The following ITPK1 variants were observed in gnomAD, a reference collection of about 807,000 sequenced individuals.
ITPK1 encodes the protein inositol-tetrakisphosphate 1-kinase, also known as inositol 1,3,4-trisphosphate 5/6-kinase.
Under a neutral mutation model 45.3 loss-of-function variants are expected in ITPK1, and 21 were observed. The observed-to-expected ratio is 0.46, with a 90% CI of 0.33 to 0.67. The LOEUF (loss-of-function observed/expected upper bound fraction) is 0.67, where lower values mean the gene tolerates loss of function less well. Among genes scored for constraint, ITPK1 ranks in the 30% least tolerant of loss-of-function variants. The pLI, the probability that ITPK1 is intolerant of heterozygous loss-of-function variation, is 0.02. For synonymous variants in ITPK1, 258 were observed against 253.6 expected (o/e 1.02, Z -0.16); for missense variants, 474 against 573.5 (o/e 0.83, Z 1.77).
Position 93,115,075 on chromosome 14 carries a change from A to T in ITPK1, c.89T>A (p.Leu30Gln), listed in dbSNP as rs146193091. The change falls in exon 2 of 11, where the codon CTG becomes CAG. Residue 30 changes from leucine (L) to glutamine (Q), a missense_variant. This residue lies in a region of ITPK1 where 367 missense variants were observed against 480.6 expected (regional missense o/e 0.76). Transcript: ENST00000267615. Reference protein sequence around the residue: ...KKLNFQAFAELCRKRGMEVVQ... With the variant: ...KKLNFQAFAEQCRKRGMEVVQ... ...GCGCCGCGTCCCTCCTTACCTGCAC[A>T]GCTCGGCGAAGGCCTGGAAATTCAG... 1.4e-4 allele frequency: 227 copies of T among 1,597,558 alleles called. 1 individual carries two copies. The African/African-American group carries it at 2.3e-3, about 16-fold the overall frequency.
intron 3 of ITPK1, among the ~76,000 whole-genome samples, chr14:93,031,697 C>G (rs557201063): frequency 6.6e-6 from 1 of 152,146 alleles, no homozygotes; most frequent in Non-Finnish European, 1.5e-5. Flanking sequence ...AGTGCCCATC[C>G]CCAAGTGGGA....
At chr14:93,010,953 C>A (rs1181069060) in intron 4 of ITPK1, among the ~76,000 whole-genome samples, 1 of 152,046 alleles carries the variant, frequency 6.6e-6, no homozygotes, top group Admixed American at 6.5e-5. Flanking sequence ...TCACAGTAAG[C>A]GTGGCTGACT....
chr14:93,086,093 A>C lies in ITPK1; in HGVS notation c.96-9474T>G, dbSNP rs138981370. ...ATGCAAAGTCATTTAGTATCAGCCT[A>C]ATGAGCAAGGTAGGCTACTGCAGGA... On this transcript the variant is annotated intron_variant, in intron 2 of 10. Transcript: ENST00000267615. 1.8e-3 allele frequency among the ~76,000 whole-genome samples: 275 copies of C among 152,302 alleles called. 3 individuals carry two copies. Among genetic ancestry groups the C allele is most frequent in the Non-Finnish European group, 6.5e-4 (44 of 68,028 alleles).
chr14:92,940,432 G>T lies in ITPK1; in HGVS notation c.*1129C>A. The T allele has an allele frequency of 9.1e-7, 1 of 1,098,684 alleles. No homozygotes were observed. The highest frequency in any genetic ancestry group is 1.1e-6 in the Non-Finnish European group (1 of 895,450). The allele number at this position is 1,098,684 out of a possible 1,614,324, so 68.1% of individuals were successfully genotyped here. A position where few individuals can be genotyped will look rare whatever the true frequency, so the allele number is the denominator to read the frequency against. Reference sequence around the variant, plus strand: ...GCCAAGGTGATGGGGTGAGTCTGAGGTGTGCAGAAGCGATGGGGGGCGGGT... The same window carrying T: ...GCCAAGGTGATGGGGTGAGTCTGAGTTGTGCAGAAGCGATGGGGGGCGGGT... On this transcript the variant is annotated 3_prime_UTR_variant, in exon 11 of 11. Coordinates refer to ENST00000267615, the MANE Select transcript of ITPK1 (RefSeq NM_014216.6).
intron 2 of ITPK1, among the ~76,000 whole-genome samples, chr14:93,089,787 G>C (rs1891795313): frequency 2.0e-5 from 3 of 152,198 alleles, no homozygotes; most frequent in Admixed American, 2.0e-4. Flanking sequence ...CTCCAGGCCT[G>C]TCAGGCTCTG....
intron 4 of ITPK1, chr14:92,998,898 C>T (rs1261791137): frequency 6.6e-6 from 1 of 152,226 alleles, no homozygotes; most frequent in Non-Finnish European, 1.5e-5. Flanking sequence ...GCAGTGGCCA[C>T]TTACCTGGGA....
chr14:93,087,592 C>G (rs755779496), intron 2 of ITPK1, among the ~76,000 whole-genome samples: 1 of 152,264 alleles, frequency 6.6e-6, no homozygotes, highest in East Asian at 1.9e-4. Flanking sequence ...TAAGGCAGCA[C>G]ACTCACAGGC....
In ITPK1 at chr14:93,054,345, A is replaced by G. The variant is rs114816775; in HGVS notation, c.120+22250T>C. Among the ~76,000 whole-genome samples the G allele has an allele frequency of 1.3e-3, 204 of 152,294 alleles. 2 individuals carry two copies. The highest frequency in any genetic ancestry group is 4.7e-3 in the African/African-American group (195 of 41,560). On this transcript the variant is annotated intron_variant, in intron 3 of 10. Transcript: ENST00000267615. ...GGAGCCCATGTCTGCTGCATGGAAA[A>G]CAGCATCCAGACAACGGGTGGTCTT...
chr14:93,108,048 A>G (rs898244101), intron 2 of ITPK1, among the ~76,000 whole-genome samples: 3 of 152,044 alleles, frequency 2.0e-5, no homozygotes, highest in Non-Finnish European at 4.4e-5. Flanking sequence ...TTCCCCTCCC[A>G]CATTTCCACT....
chr14:93,056,676 A>G (rs1008857024), intron 3 of ITPK1, among the ~76,000 whole-genome samples: 1 of 152,172 alleles, frequency 6.6e-6, no homozygotes, highest in Non-Finnish European at 1.5e-5. Flanking sequence ...AGAACCTTCT[A>G]TACCACCTCA....
chr14:93,008,997 A>C (rs1887757468), intron 4 of ITPK1, among the ~76,000 whole-genome samples: 1 of 152,160 alleles, frequency 6.6e-6, no homozygotes, highest in African/African-American at 2.4e-5. Flanking sequence ...CATCTCTTAC[A>C]AAATGCAGTG....
Position 93,076,891 on chromosome 14 carries a change from G to A in ITPK1, c.96-272C>T, listed in dbSNP as rs1891242901. Among the ~76,000 whole-genome samples the A allele has an allele frequency of 6.6e-6, 1 of 152,110 alleles. No individual in the cohort carries two copies. Among genetic ancestry groups the A allele is most frequent in the African/African-American group, 2.4e-5 (1 of 41,412 alleles). ...GCCAGCCACCTCCCTCCACTCCTGGGCCGGGCCTCTGTCAGCCGAGCTCCA... is the reference window on the plus strand; with the variant it reads ...GCCAGCCACCTCCCTCCACTCCTGGACCGGGCCTCTGTCAGCCGAGCTCCA... On this transcript the variant is annotated intron_variant, in intron 2 of 10. Coordinates refer to ENST00000267615, the MANE Select transcript of ITPK1 (RefSeq NM_014216.6). The surrounding 1 kb of genome is among the most constrained non-coding windows in gnomAD (Gnocchi z 4.3).
intron 2 of ITPK1, among the ~76,000 whole-genome samples, chr14:93,085,051 G>A (rs910824103): frequency 6.6e-6 from 1 of 152,222 alleles, no homozygotes; most frequent in African/African-American, 2.4e-5. Flanking sequence ...CCCGAGTGCT[G>A]CCGGGTTCCT....
intron 5 of ITPK1, among the ~76,000 whole-genome samples, chr14:92,989,036 G>A (rs964907446): frequency 4.6e-5 from 7 of 152,082 alleles, no homozygotes; most frequent in Non-Finnish European, 1.0e-4. Context: ...AGGGTTGAGA[G>A]CCAGTTCCTG....
chr14:92,962,927 A>C, intron 5 of ITPK1, 78 bp from the exon 6 acceptor site: 1 of 934,518 alleles, frequency 1.1e-6, no homozygotes, highest in Non-Finnish European at 1.7e-6. Context: ...AGCCCGCCCC[A>C]CCCCAGGGGC....
chr14:93,008,619 A>T (rs1027312322), intron 4 of ITPK1, among the ~76,000 whole-genome samples: 1 of 152,222 alleles, frequency 6.6e-6, no homozygotes, highest in African/African-American at 2.4e-5. Flanking sequence ...CGAGGTCAGC[A>T]GAGGCCCAGC....
In ITPK1 at chr14:93,063,336, C is replaced by A. The variant is rs989027338; in HGVS notation, c.120+13259G>T. Among the ~76,000 whole-genome samples, 1 of 152,218 alleles carries A rather than the reference C, an allele frequency of 6.6e-6. No individual in the cohort carries two copies. Among genetic ancestry groups the A allele is most frequent in the Non-Finnish European group, 1.5e-5 (1 of 68,034 alleles). On this transcript the variant is annotated intron_variant, in intron 3 of 10. Transcript: ENST00000267615. The surrounding 1 kb of genome is among the most constrained non-coding windows in gnomAD (Gnocchi z 4.3). ...ACCCACCTGAGATGGCAGAGACCCA[C>A]AGTGGAGGCCAAACTCCTGCCCAGT...
At chr14:93,086,944 G>A (rs1299126845) in intron 2 of ITPK1, among the ~76,000 whole-genome samples, 1 of 152,212 alleles carries the variant, frequency 6.6e-6, no homozygotes, top group Non-Finnish European at 1.5e-5. Context: ...AAGTCCCAAG[G>A]TGTCGGGTCA....
chr14:92,950,782 A>G (rs926641336), intron 9 of ITPK1, among the ~76,000 whole-genome samples: 6 of 152,262 alleles, frequency 3.9e-5, no homozygotes, highest in African/African-American at 1.4e-4. Context: ...GAAGCTTAGA[A>G]GAAAGCCGTC....
Sources: gnomAD v4.1 joint callset for allele counts (sites outside exome capture counted in the v4.1 genomes callset) on GRCh38, gnomAD v4.1.1 for gene constraint, gnomAD v4.1.1 regional missense constraint, Gnocchi (gnomAD v3.1) non-coding constraint, MANE v1.5 for transcripts, NCBI Gene and HGNC (gene_info 2026-07-23, HGNC 2026-07-21) for gene names.